Variants in FBXL7 observed in about 807,000 individuals in gnomAD.
The protein encoded by FBXL7 is F-box/LRR-repeat protein 7.
Under a neutral mutation model 38.3 loss-of-function variants are expected in FBXL7, and 12 were observed. The observed-to-expected ratio is 0.31, with a 90% confidence interval of 0.20 to 0.51. FBXL7 has a LOEUF of 0.51. Among genes scored for constraint, FBXL7 ranks in the 20% least tolerant of loss-of-function variants. The pLI is 0.98. For missense variants in FBXL7, 567 were observed against 676.4 expected (o/e 0.84, Z 1.79); for synonymous variants, 297 against 300.9 (o/e 0.99, Z 0.13).
chr5:15,513,868 G>T (rs1736865616), intron 1 of FBXL7, among the ~76,000 whole-genome samples: 2 of 151,956 alleles, frequency 1.3e-5, no homozygotes, highest in Admixed American at 1.3e-4. Flanking sequence ...ATTTTATTTT[G>T]CATCCACTTT....
At chr5:15,566,557 G>A (rs1738578724) in intron 1 of FBXL7, among the ~76,000 whole-genome samples, 2 of 152,090 alleles carry the variant, frequency 1.3e-5, no homozygotes, top group Admixed American at 1.3e-4. Context: ...TGGGAGAAAA[G>A]GACCTTGTCT....
chr5:15,637,818 T>C (rs1741233510), intron 2 of FBXL7, among the ~76,000 whole-genome samples: 2 of 152,226 alleles, frequency 1.3e-5, no homozygotes, highest in Admixed American at 1.3e-4. Flanking sequence ...AGATCTATGA[T>C]TTAAAATTGC....
intron 2 of FBXL7, among the ~76,000 whole-genome samples, chr5:15,633,464 A>T (rs2126544146): frequency 6.6e-6 from 1 of 152,254 alleles, no homozygotes; most frequent in East Asian, 1.9e-4. Flanking sequence ...TAAAAAAATA[A>T]CCAATCTAAA....
At chr5:15,916,045 G>T (rs755653272) in intron 2 of FBXL7, among the ~76,000 whole-genome samples, 1 of 152,148 alleles carries the variant, frequency 6.6e-6, no homozygotes, top group South Asian at 2.1e-4. Context: ...AATACAGAAC[G>T]TAAGGCGGAA....
intron 1 of FBXL7, among the ~76,000 whole-genome samples, chr5:15,517,593 A>T (rs570450934): frequency 6.6e-6 from 1 of 152,328 alleles, no homozygotes; most frequent in Admixed American, 6.5e-5. Flanking sequence ...GGAGAGGCAG[A>T]CAGGTTCAAG....
chr5:15,555,784 G>GAGATAGATAGATAGATAGATAGAT (rs70938016), intron 1 of FBXL7, among the ~76,000 whole-genome samples: 7 of 139,802 alleles, frequency 5.0e-5, no homozygotes, highest in South Asian at 4.7e-4. Flanking sequence ...AAGGGTAGAT[G>GAGATAGATAGATAGATAGATAGAT]AGATAGATAG....
chr5:15,817,985 CTT>C (rs1330917380), intron 2 of FBXL7, among the ~76,000 whole-genome samples: 1 of 152,086 alleles, frequency 6.6e-6, no homozygotes, highest in East Asian at 1.9e-4. Flanking sequence ...GAGTCTGTAA[CTT>C]TTAGGAGCTG....
intron 2 of FBXL7, among the ~76,000 whole-genome samples, chr5:15,848,914 G>A (rs569166277): frequency 3.3e-5 from 5 of 152,296 alleles, no homozygotes; most frequent in East Asian, 1.9e-4. Flanking sequence ...AACAAAGCCC[G>A]AGTGAATGTT....
intron 1 of FBXL7, among the ~76,000 whole-genome samples, chr5:15,537,157 A>G (rs56357979): frequency 6.6e-6 from 1 of 152,232 alleles, no homozygotes; most frequent in Non-Finnish European, 1.5e-5. Context: ...TCTTTTGTTT[A>G]TAAATTACCC....
At chr5:15,895,479 AATATC>A (rs1401133269) in intron 2 of FBXL7, among the ~76,000 whole-genome samples, 2 of 152,222 alleles carry the variant, frequency 1.3e-5, no homozygotes, top group East Asian at 3.9e-4. Flanking sequence ...ATGAGATTAA[AATATC>A]ATAAGTAAAG....
intron 2 of FBXL7, among the ~76,000 whole-genome samples, chr5:15,788,573 T>C (rs2126728444): frequency 6.6e-6 from 1 of 152,320 alleles, no homozygotes; most frequent in South Asian, 2.1e-4. Context: ...CTCCACCTCC[T>C]TGAACCTTAA....
chr5:15,902,494 G>C (rs4702116), intron 2 of FBXL7, among the ~76,000 whole-genome samples: 35,067 of 152,132 alleles, frequency 0.23, 4,635 homozygotes, highest in African/African-American at 0.36. Flanking sequence ...AGAAAAAAGT[G>C]TCCAGATGAC....
At position 15,606,345 on chromosome 5, in the gene FBXL7, C is replaced by T. The variant is rs935049013; in HGVS notation, c.38-9638C>T. Among the ~76,000 whole-genome samples, 6 of 152,136 alleles carry T rather than the reference C, an allele frequency of 3.9e-5. 1 individual carries two copies. In the South Asian group the frequency reaches 8.3e-4, roughly 21 times the overall value. On this transcript the variant is annotated intron_variant, in intron 1 of 3. Coordinates refer to ENST00000504595, the MANE Select transcript of FBXL7 (RefSeq NM_012304.5). ...ATGCGTGTATGATTATGTATATTCT[C>T]ATGCTTGCATAAGCACAGTGACATA...
intron 1 of FBXL7, among the ~76,000 whole-genome samples, chr5:15,531,878 C>G (rs904386837): frequency 6.6e-6 from 1 of 152,110 alleles, no homozygotes; most frequent in Non-Finnish European, 1.5e-5. Flanking sequence ...TCTTGCTGTT[C>G]CTCTGCAGTG....
In FBXL7 at chr5:15,825,737, A is replaced by G. The variant is rs530414219; in HGVS notation, c.128-102153A>G. The stretch of plus-strand genomic sequence containing the variant: ...CCCTGGATACTATCCCTGTTCTCAT[A>G]TGGTTTTTCTAAATTGCCAAAGATT... On this transcript the variant is annotated intron_variant, in intron 2 of 3. Transcript: ENST00000504595. Among the ~76,000 whole-genome samples the G allele has an allele frequency of 3.9e-5, 6 of 152,316 alleles. No homozygotes were observed. In the South Asian group the frequency reaches 1.0e-3, roughly 26 times the overall value.
intron 2 of FBXL7, among the ~76,000 whole-genome samples, chr5:15,825,756 A>T (rs1738293613): frequency 6.6e-6 from 1 of 152,190 alleles, no homozygotes; most frequent in Non-Finnish European, 1.5e-5. Flanking sequence ...CTAAATTGCC[A>T]AAGATTTGAA....
intron 2 of FBXL7, among the ~76,000 whole-genome samples, chr5:15,629,251 G>C (rs1221654334): frequency 1.3e-5 from 2 of 152,032 alleles, no homozygotes; most frequent in Non-Finnish European, 2.9e-5. Context: ...CTTCAGCCTG[G>C]GAAACAGACT....
chr5:15,783,620 C>T (rs910165695), intron 2 of FBXL7, among the ~76,000 whole-genome samples: 2 of 152,102 alleles, frequency 1.3e-5, no homozygotes, highest in Non-Finnish European at 2.9e-5. Context: ...ACCTATCAAA[C>T]CCCAAGCCCT....
intron 2 of FBXL7, among the ~76,000 whole-genome samples, chr5:15,678,682 C>T (rs922438852): frequency 1.3e-5 from 2 of 152,164 alleles, no homozygotes; most frequent in African/African-American, 2.4e-5. Context: ...ATACTGTTCT[C>T]ATGGTAGTGA....
Sources: allele counts gnomAD v4.1 joint callset (sites outside exome capture counted in the v4.1 genomes callset), GRCh38; gene constraint gnomAD v4.1.1; transcripts MANE v1.5; gene names NCBI Gene and HGNC (gene_info 2026-07-23, HGNC 2026-07-21).